COL28A1: variants seen among roughly 807,000 people sequenced by gnomAD.
COL28A1 encodes collagen type XXVIII alpha 1 chain, also known as collagen alpha-1(XXVIII) chain.
In COL28A1, 161 loss-of-function variants were observed where a neutral mutation model predicts 150.2. That is an observed-to-expected ratio of 1.07 (90% CI 0.94 to 1.22). The LOEUF is 1.22. Ranked by LOEUF, COL28A1 falls within the 50% of genes most tolerant of loss-of-function variation. The pLI is 0.00. For missense variants in COL28A1, 1,617 were observed against 1,388.3 expected, an observed-to-expected ratio of 1.16 and a Z score of -2.62; for synonymous variants, 552 against 469.7, an observed-to-expected ratio of 1.18 and a Z score of -2.26.
intron 3 of COL28A1, among the ~76,000 whole-genome samples, chr7:7,529,994 C>T (rs1028618388): frequency 7.9e-5 from 3 of 38,008 alleles, no homozygotes; most frequent in East Asian, 2.5e-3. Context: ...CCATTTACCC[C>T]GAATCCCCAA....
chr7:7,506,840 AT>A (rs1433373583), intron 10 of COL28A1, among the ~76,000 whole-genome samples: 7 of 152,136 alleles, frequency 4.6e-5, no homozygotes, highest in African/African-American at 1.7e-4. Flanking sequence ...CAGACTCTTA[AT>A]TTTTTAACTT....
chr7:7,453,198 C>T (rs544818356), intron 17 of COL28A1, among the ~76,000 whole-genome samples: 3 of 152,192 alleles, frequency 2.0e-5, no homozygotes, highest in Non-Finnish European at 4.4e-5. Context: ...AATAGGATCT[C>T]ATAAATAAAA....
Position 7,373,617 on chromosome 7 carries a change from A to G in COL28A1, c.2360-71T>C. The G allele has an allele frequency of 7.8e-7, 1 of 1,282,800 alleles. No homozygotes were observed. The highest frequency in any genetic ancestry group is 1.5e-5 in the African/African-American group (1 of 67,618). 79.5% of individuals were successfully genotyped at this position (1,282,800 alleles called of 1,614,324 possible). A position where few individuals can be genotyped will look rare whatever the true frequency, so the allele number is the denominator to read the frequency against. ...ATCAGATTGTTGAGGGGAGGGGAGA[A>G]AAAGTCAATGATGAACCTGAGACCT... On this transcript the variant is annotated intron_variant, in intron 31 of 34. Coordinates refer to ENST00000399429, the MANE Select transcript of COL28A1 (RefSeq NM_001037763.3). The surrounding 1 kb of genome is among the most constrained non-coding windows in gnomAD (Gnocchi z 4.1).
intron 7 of COL28A1, among the ~76,000 whole-genome samples, 188 bp from the exon 8 acceptor site, chr7:7,516,028 G>T (rs1781397118): frequency 1.3e-5 from 2 of 152,162 alleles, no homozygotes; most frequent in Non-Finnish European, 2.9e-5. Context: ...CTGAGGAGAA[G>T]AAAATAATCT....
At chr7:7,383,784 C>A (rs1024174193) in intron 27 of COL28A1, among the ~76,000 whole-genome samples, 6 of 149,670 alleles carry the variant, frequency 4.0e-5, no homozygotes, top group African/African-American at 1.5e-4. Flanking sequence ...TATCCATTAG[C>A]CTTCTGATGC....
At chr7:7,346,453 T>C in the COL28A1 span, among the ~76,000 whole-genome samples, 3 of 152,048 alleles carry the variant, frequency 2.0e-5, no homozygotes, top group African/African-American at 7.2e-5. Context: ...TCTAGAGAAT[T>C]AGAAAAGCCC....
At chr7:7,367,205 C>T (rs934277692) in intron 33 of COL28A1, among the ~76,000 whole-genome samples, 2 of 152,112 alleles carry the variant, frequency 1.3e-5, no homozygotes. Context: ...ACTATCTAGC[C>T]CAGGTGTGTA....
intron 27 of COL28A1, among the ~76,000 whole-genome samples, chr7:7,399,130 T>C (rs1049606196): frequency 6.6e-6 from 1 of 152,102 alleles, no homozygotes; most frequent in South Asian, 2.1e-4. Flanking sequence ...TCCATCAAAA[T>C]ACACCTTAGC....
downstream of COL28A1, chr7:7,356,345 C>G (rs1447831848): frequency 6.6e-6 from 1 of 152,102 alleles, no homozygotes; most frequent in Non-Finnish European, 1.5e-5. Flanking sequence ...AATGGGATAT[C>G]CCTGGCATGG....
At chr7:7,376,579 G>T (rs939206983) in intron 30 of COL28A1, among the ~76,000 whole-genome samples, 1 of 151,626 alleles carries the variant, frequency 6.6e-6, no homozygotes. Context: ...ATGCTTTTCC[G>T]CATTTAAAAA....
chr7:7,474,354 G>A (rs1788702042), intron 15 of COL28A1, among the ~76,000 whole-genome samples: 1 of 151,954 alleles, frequency 6.6e-6, no homozygotes, highest in Admixed American at 6.6e-5. Context: ...TACTGCTTGG[G>A]TGATGGGTGC....
At chr7:7,513,164 T>C (rs141615441) in intron 8 of COL28A1, among the ~76,000 whole-genome samples, 2 of 152,356 alleles carry the variant, frequency 1.3e-5, no homozygotes, top group African/African-American at 4.8e-5. Flanking sequence ...CCTCCAATTA[T>C]GGATGCAAAG....
chr7:7,347,760 C>G, the COL28A1 span, among the ~76,000 whole-genome samples: 2 of 151,948 alleles, frequency 1.3e-5, no homozygotes, highest in Non-Finnish European at 2.9e-5. Context: ...GACACAAAGG[C>G]AAAAATACCA....
chr7:7,347,963 G>A, the COL28A1 span, among the ~76,000 whole-genome samples: 63 of 152,100 alleles, frequency 4.1e-4, 1 homozygote, highest in South Asian at 0.011. Flanking sequence ...ATGTATCTTA[G>A]GAAGAATATT....
At chr7:7,440,173 A>G (rs987100069) in intron 21 of COL28A1, among the ~76,000 whole-genome samples, 1 of 152,148 alleles carries the variant, frequency 6.6e-6, no homozygotes, top group African/African-American at 2.4e-5. Flanking sequence ...GTTATCAACA[A>G]TTTACCAGGA....
intron 4 of COL28A1, among the ~76,000 whole-genome samples, chr7:7,523,380 G>A (rs1365182349): frequency 2.6e-5 from 4 of 151,488 alleles, no homozygotes; most frequent in African/African-American, 7.3e-5. Flanking sequence ...GGATGGTCTC[G>A]ATCTCCTGAC....
chr7:7,383,094 T>C (rs973979193), intron 27 of COL28A1, among the ~76,000 whole-genome samples: 12 of 152,244 alleles, frequency 7.9e-5, no homozygotes, highest in African/African-American at 2.9e-4. Flanking sequence ...ATCTACCACG[T>C]TAAAAAATAA....
At chr7:7,424,744 G>A (rs1784565866) in intron 25 of COL28A1, among the ~76,000 whole-genome samples, 1 of 151,984 alleles carries the variant, frequency 6.6e-6, no homozygotes, top group South Asian at 2.1e-4. Flanking sequence ...GGACTGTTTA[G>A]ATGGCATACC....
chr7:7,419,997 C>A (rs199822556), intron 25 of COL28A1, 44 bp from the exon 26 acceptor site: 2 of 1,365,158 alleles, frequency 1.5e-6, no homozygotes, highest in South Asian at 1.4e-5. Flanking sequence ...TTTTTAAAGA[C>A]TTTATGTTTT....
Sources: allele counts gnomAD v4.1 joint callset (sites outside exome capture counted in the v4.1 genomes callset), GRCh38; gene constraint gnomAD v4.1.1; non-coding constraint Gnocchi (gnomAD v3.1); transcripts MANE v1.5; gene names NCBI Gene and HGNC (gene_info 2026-07-23, HGNC 2026-07-21).